Variants in GDF1 observed in about 807,000 individuals in gnomAD.
GDF1 encodes the protein embryonic growth/differentiation factor 1.
In GDF1, 8 loss-of-function variants were observed where a neutral mutation model predicts 7.4. The ratio of observed to expected loss-of-function variants is 1.09; its 90% confidence interval spans 0.64 to 1.96. The LOEUF is 1.96. Ranked by LOEUF, GDF1 falls within the 30% of genes most tolerant of loss-of-function variation. The probability of loss-of-function intolerance (pLI) is 0.00; values close to 1 mark genes in which losing one functional copy is unlikely to be tolerated. For missense variants in GDF1, 574 were observed against 551.5 expected, an observed-to-expected ratio of 1.04 and a Z score of -0.41; for synonymous variants, 311 against 276.7, an observed-to-expected ratio of 1.12 and a Z score of -1.23.
At chr19:18,874,049 G>T (rs992231363) in intron 6 of GDF1, among the ~76,000 whole-genome samples, 2 of 152,132 alleles carry the variant, frequency 1.3e-5, no homozygotes, top group Admixed American at 6.5e-5. Flanking sequence ...GAAGAGCAGA[G>T]AGCACGTTCT....
chr19:18,882,840 C>T (rs1186472929), intron 3 of GDF1, among the ~76,000 whole-genome samples: 1 of 151,580 alleles, frequency 6.6e-6, no homozygotes, highest in African/African-American at 2.4e-5. Context: ...CTACAGGCGC[C>T]CACCACCACG....
intron 6 of GDF1, among the ~76,000 whole-genome samples, chr19:18,877,755 TC>T (rs1283143361): frequency 5.9e-5 from 1 of 16,900 alleles, no homozygotes; most frequent in Admixed American, 5.8e-4. Flanking sequence ...AGACCCTGTC[TC>T]AAAAAAAAAA....
In GDF1 at chr19:18,884,125, C is replaced by T; in HGVS notation, c.-771G>A. ...AGGAGACGATGAGGATGAGAGTGAC[C>T]ACGTGGTGGAGCAGCATGACCACCG... On this transcript the variant is annotated 5_prime_UTR_variant, in exon 3 of 8. It introduces an in-frame stop codon into an upstream open reading frame of the 5' UTR. Coordinates refer to ENST00000247005, the MANE Select transcript of GDF1 (RefSeq NM_001492.6). 1 of 1,613,672 alleles carries T rather than the reference C, an allele frequency of 6.2e-7. No individual in the cohort carries two copies. Among genetic ancestry groups the T allele is most frequent in the Middle Eastern group, 1.6e-4 (1 of 6,062 alleles).
At chr19:18,893,688 G>T (rs2056553943) in intron 1 of GDF1, 113 bp from the exon 2 acceptor site, 2 of 1,117,054 alleles carry the variant, frequency 1.8e-6, no homozygotes, top group Non-Finnish European at 1.3e-6. Flanking sequence ...CACTGGGAAG[G>T]CCTGTCCCCC....
At position 18,873,940 on chromosome 19, in the gene GDF1, G is replaced by A. The variant is rs116471719; in HGVS notation, c.-312-3321C>T. On this transcript the variant is annotated intron_variant, in intron 6 of 7. Coordinates refer to ENST00000247005, the MANE Select transcript of GDF1 (RefSeq NM_001492.6). ...GACAGGAGTGGTCTTCGGGATGGGG[G>A]GAGGAAGATGGGGCACAGCTGGGTT... Among the ~76,000 whole-genome samples, 754 of 152,198 alleles carry A rather than the reference G, an allele frequency of 5.0e-3. 11 individuals are homozygous for A. Among genetic ancestry groups the A allele is most frequent in the African/African-American group, 0.017 (718 of 41,522 alleles).
chr19:18,878,994 C>A lies in GDF1; in HGVS notation c.-377G>T, dbSNP rs774607554. 6.2e-7 allele frequency: 1 copy of A among 1,613,818 alleles called. No homozygotes were observed. Among genetic ancestry groups the A allele is most frequent in the Non-Finnish European group, 8.5e-7 (1 of 1,179,852 alleles). Reference sequence around the variant, plus strand: ...TCATACTCCCGCAGGTCCTTCAGCTCGTGCACCTGGCCTGTCAACACCTTG... The same window carrying A: ...TCATACTCCCGCAGGTCCTTCAGCTAGTGCACCTGGCCTGTCAACACCTTG... On this transcript the variant is annotated 5_prime_UTR_variant, in exon 6 of 8. An upstream open reading frame in the 5' UTR gains an earlier in-frame stop. Coordinates refer to ENST00000247005, the MANE Select transcript of GDF1 (RefSeq NM_001492.6). The surrounding 1 kb of genome is among the most constrained non-coding windows in gnomAD (Gnocchi z 4.6).
In GDF1 at chr19:18,895,753, C is replaced by A. The variant is rs1400318570; in HGVS notation, c.-1074+71G>T. On this transcript the variant is annotated intron_variant, in intron 1 of 7. Transcript: ENST00000247005. The surrounding 1 kb of genome is among the most constrained non-coding windows in gnomAD (Gnocchi z 6.4). Reference sequence around the variant, plus strand: ...GCGCTGGAAGAAAGGAACGCGCCGGCGGCCCCAGGTCCCCGGTCCCGGCTT... The same window carrying A: ...GCGCTGGAAGAAAGGAACGCGCCGGAGGCCCCAGGTCCCCGGTCCCGGCTT... 2.4e-5 allele frequency: 20 copies of A among 847,968 alleles called. No individual in the cohort carries two copies. The highest frequency in any genetic ancestry group is 3.7e-5 in the African/African-American group (2 of 53,366). 52.5% of individuals were successfully genotyped at this position (847,968 alleles called of 1,614,324 possible).
At position 18,869,193 on chromosome 19, in the gene GDF1, C is replaced by A. The variant is rs978050328; in HGVS notation, c.523G>T (p.Gly175Cys). 1.1e-5 allele frequency: 13 copies of A among 1,201,310 alleles called. No individual in the cohort carries two copies. The African/African-American group carries it at 1.5e-4, about 14-fold the overall frequency. 74.4% of individuals were successfully genotyped at this position (1,201,310 alleles called of 1,614,324 possible). The change falls in exon 8 of 8, where the codon GGC becomes TGC. Residue 175 changes from glycine to cysteine, a missense_variant. By Grantham distance (159) the Gly-to-Cys change is radical. Coordinates refer to ENST00000247005, the MANE Select transcript of GDF1 (RefSeq NM_001492.6). ...AGCAGCACCGGCCCGGGGTCCGCGC[C>A]CGCGCCCTGGCCCGCTTGCGCCACG... Reference protein sequence around the residue: ...LSVAQAGQGAGADPGPVLLRQ... With the variant: ...LSVAQAGQGACADPGPVLLRQ...
chr19:18,888,384 G>A (rs1292196410), intron 2 of GDF1, among the ~76,000 whole-genome samples: 1 of 151,704 alleles, frequency 6.6e-6, no homozygotes, highest in Non-Finnish European at 1.5e-5. Context: ...TGGGTGTGGT[G>A]GCTCGTGCCT....
rs748527035 is a variant in GDF1, at chr19:18,893,520, C to T, written c.-1018G>A. The T allele has an allele frequency of 2.5e-6, 4 of 1,610,964 alleles. No homozygotes were observed. The highest frequency in any genetic ancestry group is 3.4e-6 in the Non-Finnish European group (4 of 1,178,856). The stretch of plus-strand genomic sequence containing the variant: ...CAGGTAGAAGAGAAACTTCCAAGCG[C>T]TCTCGGGCATCTTGGCGGCATCTCT... On this transcript the variant is annotated 5_prime_UTR_variant, in exon 2 of 8. Coordinates refer to ENST00000247005, the MANE Select transcript of GDF1 (RefSeq NM_001492.6).
Position 18,879,362 on chromosome 19 carries a change from G to A in GDF1, c.-544C>T, listed in dbSNP as rs759055660. ...ACTGGTGGCATACAGGACCTTGAGC[G>A]GGAACCAGTAGAGGCGGAACCAGAA... On this transcript the variant is annotated 5_prime_UTR_variant, in exon 5 of 8. Coordinates refer to ENST00000247005, the MANE Select transcript of GDF1 (RefSeq NM_001492.6). 14 of 1,584,218 alleles carry A rather than the reference G, an allele frequency of 8.8e-6. No homozygotes were observed. Among genetic ancestry groups the A allele is most frequent in the African/African-American group, 2.7e-5 (2 of 74,302 alleles).
chr19:18,893,429 T>C lies in GDF1; in HGVS notation c.-927A>G, dbSNP rs2056544743. 1.9e-6 allele frequency: 3 copies of C among 1,604,308 alleles called. No homozygotes were observed. Among genetic ancestry groups the C allele is most frequent in the African/African-American group, 2.7e-5 (2 of 74,720 alleles). ...CAGGGCCCCTACCGTAGAAGACAGA[T>C]GGTGGGTCATGGAAGAAGGGGTAGT... On this transcript the variant is annotated 5_prime_UTR_variant, in exon 2 of 8. Transcript: ENST00000247005.
intron 6 of GDF1, among the ~76,000 whole-genome samples, chr19:18,872,158 C>G (rs748575841): frequency 6.6e-6 from 1 of 152,200 alleles, no homozygotes; most frequent in African/African-American, 2.4e-5. Flanking sequence ...GTTTAGCATC[C>G]TCGGTGATGG....
chr19:18,893,886 G>A (rs1029395586), intron 1 of GDF1, among the ~76,000 whole-genome samples: 100 of 151,560 alleles, frequency 6.6e-4, no homozygotes, highest in African/African-American at 2.3e-3. Context: ...GGATGGATGC[G>A]TCAGCCCAAG....
chr19:18,884,525 A>C (rs2146034731), intron 2 of GDF1, among the ~76,000 whole-genome samples: 1 of 150,612 alleles, frequency 6.6e-6, no homozygotes, highest in Non-Finnish European at 1.5e-5. Flanking sequence ...CTCCTGCTTC[A>C]GCCTCCTGAG....
intron 6 of GDF1, among the ~76,000 whole-genome samples, chr19:18,873,553 C>T (rs188319330): frequency 2.6e-5 from 4 of 151,706 alleles, no homozygotes; most frequent in African/African-American, 4.8e-5. Flanking sequence ...AAAAATTAGC[C>T]GGGGCCAAGC....
intron 2 of GDF1, among the ~76,000 whole-genome samples, chr19:18,885,931 C>T (rs937737424): frequency 1.3e-5 from 2 of 152,298 alleles, no homozygotes; most frequent in Middle Eastern, 3.4e-3. Flanking sequence ...CCCGGGCACA[C>T]CATGCCACCA....
At position 18,868,662 on chromosome 19, in the gene GDF1, TGTC is replaced by T; in HGVS notation, c.1051_1053del (p.Asp351del). ...TGCCGCAGCACCACGTTGTCGCTGT[TGTC>T]AAAGAAGAGCACGGAGATGGGCGAC... On this transcript the variant is annotated inframe_deletion, in exon 8 of 8. Transcript: ENST00000247005. 1 of 1,575,212 alleles carries T rather than the reference TGTC, an allele frequency of 6.3e-7. No individual in the cohort carries two copies. Among genetic ancestry groups the T allele is most frequent in the Non-Finnish European group, 8.6e-7 (1 of 1,160,420 alleles).
At chr19:18,869,939 G>C (rs1415411887) in intron 7 of GDF1, 44 bp downstream of exon 7, 30 of 1,535,686 alleles carry the variant, frequency 2.0e-5, no homozygotes, top group Non-Finnish European at 2.6e-5. Flanking sequence ...GCCCTGCGAG[G>C]TCTGGCCTCC....
Sources: gnomAD v4.1 joint callset for allele counts (sites outside exome capture counted in the v4.1 genomes callset) on GRCh38, gnomAD v4.1.1 for gene constraint, Gnocchi (gnomAD v3.1) non-coding constraint, MANE v1.5 for transcripts, NCBI Gene and HGNC (gene_info 2026-07-23, HGNC 2026-07-21) for gene names.